Variants in CELF2 observed in about 807,000 individuals in gnomAD.
The protein encoded by CELF2 is CUGBP Elav-like family member 2.
CELF2 carries 8 observed loss-of-function variants against 62.6 expected under a neutral mutation model. The ratio of observed to expected loss-of-function variants is 0.13; its 90% CI spans 0.07 to 0.23. CELF2 has a LOEUF of 0.23. CELF2 is among the 10% of genes least tolerant of loss of function. CELF2 has a pLI of 1.00. For synonymous variants in CELF2, 258 were observed against 250.0 expected (o/e 1.03, Z -0.30); for missense variants, 333 against 671.0 (o/e 0.50, Z 5.56).
rs1324136272 is a variant in CELF2 at position 11,255,402 on chromosome 10, C to T, written c.404-2336C>T. ...GCCATCCTGAGGTCGGGCTGCTTTC[C>T]GCCATCCACCCAAGCCAGGTCCCTA... On this transcript the variant is annotated intron_variant, in intron 4 of 12. Coordinates refer to ENST00000633077, the MANE Select transcript of CELF2 (RefSeq NM_001326342.2). The surrounding 1 kb of genome is among the most constrained non-coding windows in gnomAD (Gnocchi z 5.5). Among the ~76,000 whole-genome samples, 4 of 152,228 alleles carry T rather than the reference C, an allele frequency of 2.6e-5. No individual in the cohort carries two copies. Among genetic ancestry groups the T allele is most frequent in the African/African-American group, 4.8e-5 (2 of 41,522 alleles).
chr10:10,943,690 T>C (rs2047304078), intron 2 of CELF2, among the ~76,000 whole-genome samples: 1 of 152,068 alleles, frequency 6.6e-6, no homozygotes, highest in African/African-American at 2.4e-5. Flanking sequence ...CCTCTGCTTC[T>C]CGGGTTCCAG....
intron 2 of CELF2, among the ~76,000 whole-genome samples, chr10:11,210,319 C>T (rs555831233): frequency 1.5e-3 from 222 of 152,272 alleles, no homozygotes; most frequent in Admixed American, 1.4e-3. Flanking sequence ...TGTAAGATGT[C>T]GAATGGCCTT....
Position 11,332,938 on chromosome 10 carries a change from G to A in CELF2, c.*3885G>A, listed in dbSNP as rs940175088. 6.6e-6 allele frequency: 1 copy of A among 152,548 alleles called. No homozygotes were observed. The highest frequency in any genetic ancestry group is 1.5e-5 in the Non-Finnish European group (1 of 68,030). The allele number at this position is 152,548 out of a possible 1,614,324, so 9.4% of individuals were successfully genotyped here. ...TGCACCTGTCTCTCTCTGAGAACAC[G>A]GTGTGTCTCGACACGTACCACGTAC... On this transcript the variant is annotated 3_prime_UTR_variant, in exon 13 of 13. Transcript: ENST00000633077.
the CELF2 span, among the ~76,000 whole-genome samples, chr10:10,569,396 C>T: frequency 6.6e-6 from 1 of 152,024 alleles, no homozygotes. Context: ...TACTCACTAC[C>T]ACGAGAAAAG....
At chr10:11,031,828 G>A (rs1348630411) in intron 1 of CELF2, among the ~76,000 whole-genome samples, 2 of 152,116 alleles carry the variant, frequency 1.3e-5, no homozygotes, top group Non-Finnish European at 2.9e-5. Flanking sequence ...TCTCAACTAC[G>A]TGATACTAAC....
chr10:10,768,413 G>C, the CELF2 span, among the ~76,000 whole-genome samples: 2 of 152,074 alleles, frequency 1.3e-5, no homozygotes, highest in African/African-American at 4.8e-5. Context: ...GAGCCATGCA[G>C]AGTTGGTTTC....
At chr10:11,259,827 A>G (rs760903438) in intron 5 of CELF2, among the ~76,000 whole-genome samples, 8 of 152,246 alleles carry the variant, frequency 5.3e-5, no homozygotes, top group Non-Finnish European at 1.0e-4. Context: ...GGGAAAAGAC[A>G]GTGTGGCTAA....
chr10:10,650,917 C>T, the CELF2 span, among the ~76,000 whole-genome samples: 12 of 152,054 alleles, frequency 7.9e-5, no homozygotes, highest in African/African-American at 1.2e-4. Flanking sequence ...CCAGCGTGAG[C>T]GACGCAGAAG....
At chr10:10,597,051 C>T in the CELF2 span, among the ~76,000 whole-genome samples, 10 of 152,178 alleles carry the variant, frequency 6.6e-5, no homozygotes, top group Non-Finnish European at 1.5e-4. Context: ...GTGACAGTCA[C>T]CTGTGTGCTT....
chr10:11,156,262 C>T lies in CELF2; in HGVS notation c.75-9224C>T, dbSNP rs1471418161. Reference sequence around the variant, plus strand: ...TCGGATTTAATAGGACGGCACTGGACGGGATAACATGGCTCTTAATAGTGG... The same window carrying T: ...TCGGATTTAATAGGACGGCACTGGATGGGATAACATGGCTCTTAATAGTGG... On this transcript the variant is annotated intron_variant, in intron 1 of 12. Coordinates refer to ENST00000633077, the MANE Select transcript of CELF2 (RefSeq NM_001326342.2). This position sits in a 1 kb window ranked among gnomAD's most constrained non-coding sequence, Gnocchi z 4.3. Among the ~76,000 whole-genome samples the T allele has an allele frequency of 3.3e-5, 5 of 152,202 alleles. No individual in the cohort carries two copies. The highest frequency in any genetic ancestry group is 2.1e-4 in the South Asian group (1 of 4,822).
At chr10:10,935,997 C>CAAA (rs776115220) in intron 2 of CELF2, among the ~76,000 whole-genome samples, 9 of 129,842 alleles carry the variant, frequency 6.9e-5, no homozygotes, top group Admixed American at 1.6e-4. Flanking sequence ...ACTAAAAATA[C>CAAA]AAAAAAAAAA....
the CELF2 span, among the ~76,000 whole-genome samples, chr10:10,465,785 C>T: frequency 1.3e-5 from 2 of 152,016 alleles, no homozygotes; most frequent in African/African-American, 4.8e-5. Flanking sequence ...ATGGTTATGG[C>T]GGGCTTGTCC....
the CELF2 span, among the ~76,000 whole-genome samples, chr10:10,728,623 T>C: frequency 1.3e-5 from 2 of 151,820 alleles, no homozygotes; most frequent in Non-Finnish European, 2.9e-5. Flanking sequence ...TAGGAGAGGG[T>C]GGGGGACAGC....
rs2094242413 is a variant in CELF2, at chr10:11,306,747, C to T, written c.977-7392C>T. ...GTCTCATGCTTGATTCTTCTCCCTC[C>T]TTTTCTTCACCGTCTCCCCAACTTT... On this transcript the variant is annotated intron_variant, in intron 9 of 12. Transcript: ENST00000633077. This position sits in a 1 kb window ranked among gnomAD's most constrained non-coding sequence, Gnocchi z 4.4. 6.6e-6 allele frequency among the ~76,000 whole-genome samples: 1 copy of T among 152,112 alleles called. No homozygotes were observed.
intron 2 of CELF2, among the ~76,000 whole-genome samples, chr10:10,966,975 A>G (rs2050187071): frequency 6.6e-6 from 1 of 152,220 alleles, no homozygotes; most frequent in African/African-American, 2.4e-5. Context: ...ATTGATTACC[A>G]ATTCATACCC....
rs761488324 is a variant in CELF2, at chr10:11,321,213, C to T, written c.1121C>T (p.Ala374Val). Residue 374 changes from alanine to valine, a missense_variant, in exon 11 of 13, where the codon GCG becomes GTG. Ala to Val is a moderately conservative substitution (Grantham distance 64, BLOSUM62 0). Around this residue, in one of 3 missense-constraint regions of CELF2, gnomAD observed 253 missense variants for 503.0 expected, o/e 0.50. Transcript: ENST00000633077. The surrounding 1 kb of genome is among the most constrained non-coding windows in gnomAD (Gnocchi z 6.2). ...GTTGCTCAAATGCTCTCAGGTATGG[C>T]GGCTCTGAATGGAGGACTTGGCGCC... ...LAVAQMLSGM[A>V]ALNGGLGATG... 6 of 1,614,022 alleles carry T rather than the reference C, an allele frequency of 3.7e-6. No individual in the cohort carries two copies. The highest frequency in any genetic ancestry group is 1.6e-4 in the Middle Eastern group (1 of 6,084).
intron 1 of CELF2, among the ~76,000 whole-genome samples, chr10:11,104,650 C>G (rs1459352075): frequency 6.6e-6 from 1 of 152,142 alleles, no homozygotes; most frequent in Non-Finnish European, 1.5e-5. Flanking sequence ...CCACTGCACT[C>G]CAGTCTAGGT....
chr10:10,921,714 C>T (rs995998501), intron 2 of CELF2, among the ~76,000 whole-genome samples: 32 of 152,058 alleles, frequency 2.1e-4, no homozygotes, highest in Non-Finnish European at 2.6e-4. Context: ...AGAGGAGAGC[C>T]CAGGCTTCTA....
chr10:11,213,984 T>C (rs2062621226), intron 2 of CELF2, among the ~76,000 whole-genome samples: 1 of 152,228 alleles, frequency 6.6e-6, no homozygotes, highest in Non-Finnish European at 1.5e-5. Flanking sequence ...ACCTGCTTTT[T>C]ACTTACTGAT....
Sources: allele counts gnomAD v4.1 joint callset (sites outside exome capture counted in the v4.1 genomes callset), GRCh38; gene constraint gnomAD v4.1.1; regional missense constraint gnomAD v4.1.1; non-coding constraint Gnocchi (gnomAD v3.1); transcripts MANE v1.5; gene names NCBI Gene and HGNC (gene_info 2026-07-23, HGNC 2026-07-21).